DYNC1I1: variants seen among roughly 807,000 people sequenced by gnomAD.
DYNC1I1 encodes cytoplasmic dynein 1 intermediate chain 1.
DYNC1I1 carries 43 observed loss-of-function variants against 86.6 expected under a neutral mutation model. The observed-to-expected ratio is 0.50, with a 90% CI of 0.39 to 0.64. DYNC1I1 has a LOEUF of 0.64. Among genes scored for constraint, DYNC1I1 ranks in the 30% least tolerant of loss-of-function variants. The pLI is 0.00. For missense variants in DYNC1I1, 604 were observed against 788.8 expected (o/e 0.77, Z 2.81); for synonymous variants, 262 against 283.7 (o/e 0.92, Z 0.77).
At chr7:95,923,690 A>G (rs1481458098) in intron 6 of DYNC1I1, among the ~76,000 whole-genome samples, 2 of 152,172 alleles carry the variant, frequency 1.3e-5, no homozygotes, top group South Asian at 4.1e-4. Context: ...AGTTAAAACA[A>G]TGGTATGTTG....
At chr7:96,025,657 G>GT (rs1430359672) in intron 10 of DYNC1I1, among the ~76,000 whole-genome samples, 2 of 152,100 alleles carry the variant, frequency 1.3e-5, no homozygotes, top group African/African-American at 4.8e-5. Context: ...TTTGTTGGTG[G>GT]TAAGTGTTGG....
chr7:96,102,857 G>A (rs1036548212), downstream of DYNC1I1, among the ~76,000 whole-genome samples: 12 of 152,216 alleles, frequency 7.9e-5, no homozygotes, highest in African/African-American at 1.7e-4. Flanking sequence ...GCATATTAGC[G>A]GATCCTGGTA....
intron 6 of DYNC1I1, among the ~76,000 whole-genome samples, chr7:95,923,366 T>A (rs767872200): frequency 6.6e-6 from 1 of 152,046 alleles, no homozygotes; most frequent in Non-Finnish European, 1.5e-5. Context: ...GTAATTTTTT[T>A]AAAAAATAGA....
intron 6 of DYNC1I1, among the ~76,000 whole-genome samples, chr7:95,898,679 A>G (rs1300610877): frequency 6.6e-6 from 1 of 152,184 alleles, no homozygotes; most frequent in Non-Finnish European, 1.5e-5. Context: ...AGAATCACTA[A>G]CTTTCCTCAG....
At chr7:95,772,982 C>A (rs895771924) in intron 1 of DYNC1I1, among the ~76,000 whole-genome samples, 2 of 152,194 alleles carry the variant, frequency 1.3e-5, no homozygotes, top group African/African-American at 4.8e-5. Flanking sequence ...TGACACCCCC[C>A]TCTCGGCAGA....
chr7:95,972,543 G>GA (rs11422633), intron 6 of DYNC1I1, among the ~76,000 whole-genome samples: 73,911 of 151,806 alleles, frequency 0.49, 18,438 homozygotes, highest in African/African-American at 0.57. Flanking sequence ...CACCAATCCG[G>GA]ATTGCTGCAA....
chr7:95,804,698 C>CTT (rs533284088), intron 1 of DYNC1I1, 23 bp from the exon 2 acceptor site: 8 of 1,534,028 alleles, frequency 5.2e-6, no homozygotes, highest in Admixed American at 2.2e-5. Context: ...TATATGTTCA[C>CTT]TTTTTTTTTC....
chr7:95,960,965 A>C (rs2116508453), intron 6 of DYNC1I1, among the ~76,000 whole-genome samples: 1 of 152,336 alleles, frequency 6.6e-6, no homozygotes, highest in Middle Eastern at 3.4e-3. Context: ...AGAAGTGAGG[A>C]TTTGATGGGT....
At chr7:95,940,501 T>C (rs1484605485) in intron 6 of DYNC1I1, among the ~76,000 whole-genome samples, 1 of 152,150 alleles carries the variant, frequency 6.6e-6, no homozygotes, top group Admixed American at 6.5e-5. Flanking sequence ...TCGTTTCTTT[T>C]TATTCTTTTT....
intron 10 of DYNC1I1, among the ~76,000 whole-genome samples, chr7:96,013,367 T>G (rs1277594884): frequency 6.6e-6 from 1 of 152,226 alleles, no homozygotes; most frequent in East Asian, 1.9e-4. Context: ...TGTCTACCCC[T>G]CGATTTTAGT....
chr7:96,080,639 C>A, intron 16 of DYNC1I1, 151 bp downstream of exon 16: 1 of 1,257,456 alleles, frequency 8.0e-7, no homozygotes, highest in Non-Finnish European at 1.1e-6. Flanking sequence ...TTTGGCGAGA[C>A]TTCCTTAGGG....
chr7:95,940,947 T>C (rs1325324272), intron 6 of DYNC1I1, among the ~76,000 whole-genome samples: 2 of 152,214 alleles, frequency 1.3e-5, no homozygotes, highest in Non-Finnish European at 2.9e-5. Flanking sequence ...TTTTGGTCTT[T>C]GATGATGGTG....
chr7:96,031,785 T>C (rs1279997772), intron 11 of DYNC1I1, among the ~76,000 whole-genome samples: 4 of 152,176 alleles, frequency 2.6e-5, no homozygotes, highest in African/African-American at 9.7e-5. Context: ...TAAGTGTGGT[T>C]TGGCCACTGG....
Position 96,097,635 on chromosome 7 carries a change from C to G in DYNC1I1, c.*42C>G. 1.2e-6 allele frequency: 2 copies of G among 1,610,882 alleles called. No homozygotes were observed. The highest frequency in any genetic ancestry group is 2.2e-5 in the South Asian group (2 of 90,656). On this transcript the variant is annotated 3_prime_UTR_variant, in exon 17 of 17. Coordinates refer to ENST00000447467, the MANE Select transcript of DYNC1I1 (RefSeq NM_001135556.2). ...CCACTGCAGCCCCCACCTTTGTGTCCTAGAGCTCAGCGTCTGCAGTCAAGT... is the reference window on the plus strand; with the variant it reads ...CCACTGCAGCCCCCACCTTTGTGTCGTAGAGCTCAGCGTCTGCAGTCAAGT...
intron 1 of DYNC1I1, among the ~76,000 whole-genome samples, chr7:95,791,743 G>A (rs1437359219): frequency 6.6e-6 from 1 of 150,394 alleles, no homozygotes; most frequent in Non-Finnish European, 1.5e-5. Flanking sequence ...TCGGAAAACA[G>A]AGATTAAAAA....
Position 95,824,554 on chromosome 7 carries a change from G to A in DYNC1I1, c.315-3503G>A, listed in dbSNP as rs984398703. ...TTATTTTCAGAGATACAATTACTTG[G>A]TAAAATGGCTGGAAAATAAGATCTC... On this transcript the variant is annotated intron_variant, in intron 4 of 16. Transcript: ENST00000447467. 2.0e-5 allele frequency among the ~76,000 whole-genome samples: 3 copies of A among 152,202 alleles called. No individual in the cohort carries two copies. In the East Asian group the frequency reaches 5.8e-4, roughly 29 times the overall value.
rs1158573013 is a variant in DYNC1I1, at chr7:96,077,002, AT to A, written c.1650+807del. On this transcript the variant is annotated intron_variant, in intron 15 of 16. Transcript: ENST00000447467. ...TGGATTTTTTTTTAACATAAATATT[AT>A]TGTCCTTCAACTTTATAAAATAAAA... Among the ~76,000 whole-genome samples, 3 of 152,202 alleles carry A rather than the reference AT, an allele frequency of 2.0e-5. No homozygotes were observed. The East Asian group carries it at 5.8e-4, about 29-fold the overall frequency.
intron 5 of DYNC1I1, among the ~76,000 whole-genome samples, chr7:95,846,156 C>A (rs1477151011): frequency 1.3e-5 from 2 of 152,076 alleles, no homozygotes; most frequent in African/African-American, 2.4e-5. Context: ...TTAATATAAT[C>A]ATTGTCATTT....
At chr7:95,882,581 G>C (rs1342289753) in intron 6 of DYNC1I1, among the ~76,000 whole-genome samples, 1 of 152,126 alleles carries the variant, frequency 6.6e-6, no homozygotes, top group African/African-American at 2.4e-5. Context: ...AGATCCTTGG[G>C]TGGGCTGGCA....
Sources: gnomAD v4.1 joint callset for allele counts (sites outside exome capture counted in the v4.1 genomes callset) on GRCh38, gnomAD v4.1.1 for gene constraint, MANE v1.5 for transcripts, NCBI Gene and HGNC (gene_info 2026-07-23, HGNC 2026-07-21) for gene names.